RBFOX1: variants seen among roughly 807,000 people sequenced by gnomAD.
RBFOX1 encodes RNA binding protein fox-1 homolog 1.
Under a neutral mutation model 57.7 loss-of-function variants are expected in RBFOX1, and 8 were observed. That is an observed-to-expected ratio of 0.14 (90% CI 0.08 to 0.25). The LOEUF (loss-of-function observed/expected upper bound fraction) is 0.25. RBFOX1 is among the 10% of genes least tolerant of loss of function. The probability of loss-of-function intolerance (pLI) is 1.00; values close to 1 mark genes in which losing one functional copy is unlikely to be tolerated. For synonymous variants in RBFOX1, 326 were observed against 222.4 expected (o/e 1.47, Z -4.15); for missense variants, 611 against 548.5 (o/e 1.11, Z -1.14).
intron 4 of RBFOX1, among the ~76,000 whole-genome samples, chr16:7,438,787 ATAGCG>A (rs1271295345): frequency 2.6e-5 from 4 of 152,302 alleles, no homozygotes; most frequent in Admixed American, 2.6e-4. Flanking sequence ...CAATAATTCA[ATAGCG>A]TAGCCTTGAT....
chr16:7,086,553 A>G (rs963266475), intron 4 of RBFOX1, among the ~76,000 whole-genome samples: 1 of 152,230 alleles, frequency 6.6e-6, no homozygotes, highest in Non-Finnish European at 1.5e-5. Flanking sequence ...AAAAACTAAT[A>G]AAGGAAAAGT....
chr16:7,243,621 C>T (rs1209391986), intron 4 of RBFOX1, among the ~76,000 whole-genome samples: 1 of 152,126 alleles, frequency 6.6e-6, no homozygotes, highest in Non-Finnish European at 1.5e-5. Context: ...GATAATAGCT[C>T]ACTATAGCCT....
chr16:6,564,485 T>A (rs2881042), intron 2 of RBFOX1, among the ~76,000 whole-genome samples: 24 of 151,602 alleles, frequency 1.6e-4, no homozygotes, highest in South Asian at 4.1e-4. Flanking sequence ...CAAACAAAAA[T>A]AAACAAACAA....
intron 6 of RBFOX1, among the ~76,000 whole-genome samples, chr16:7,581,953 G>A (rs909675778): frequency 9.2e-5 from 14 of 151,848 alleles, no homozygotes; most frequent in African/African-American, 3.4e-4. Context: ...CTGGCCTCAA[G>A]CAACCCTCCC....
intron 3 of RBFOX1, among the ~76,000 whole-genome samples, chr16:5,790,149 A>C (rs901214821): frequency 1.3e-5 from 2 of 152,224 alleles, no homozygotes; most frequent in African/African-American, 4.8e-5. Context: ...CGAGGGTCTC[A>C]CATGGAGAAT....
In RBFOX1 at chr16:6,280,977, G is replaced by GTA. The variant is rs895243973; in HGVS notation, c.-126-36010_-126-36009dup. Among the ~76,000 whole-genome samples, 13 of 148,702 alleles carry GTA rather than the reference G, an allele frequency of 8.7e-5. No individual in the cohort carries two copies. In the East Asian group the frequency reaches 1.4e-3, roughly 16 times the overall value. On this transcript the variant is annotated intron_variant, in intron 1 of 15. Transcript: ENST00000550418. Reference sequence around the variant, plus strand: ...TATGTGTGTGTGTGTGTATGTGTGTGTATATATATGTGTGTGTGTATATAT... The same window carrying GTA: ...TATGTGTGTGTGTGTGTATGTGTGTGTATATATATATGTGTGTGTGTATATAT...
rs140498040 is a variant in RBFOX1, at chr16:7,496,736, A to G, written c.28-21411A>G. ...CCACTGCAGTGTTCTCATAGAAAAG[A>G]CTACAGAACAGAAAAAAAAAAAACA... On this transcript the variant is annotated intron_variant, in intron 4 of 15. Coordinates refer to ENST00000550418, the MANE Select transcript of RBFOX1 (RefSeq NM_018723.4). 5.5e-3 allele frequency among the ~76,000 whole-genome samples: 615 copies of G among 111,792 alleles called. 9 individuals carry two copies. Among genetic ancestry groups the G allele is most frequent in the African/African-American group, 0.02 (582 of 29,484 alleles). 73.3% of individuals were successfully genotyped at this position (111,792 alleles called of 152,430 possible).
chr16:5,519,106 C>T (rs531531381), intron 2 of RBFOX1, among the ~76,000 whole-genome samples: 31 of 152,270 alleles, frequency 2.0e-4, no homozygotes, highest in African/African-American at 4.3e-4. Flanking sequence ...GAAAACCTTG[C>T]GGACATCTTG....
chr16:5,882,349 C>T (rs1442879042), intron 4 of RBFOX1, among the ~76,000 whole-genome samples: 2 of 152,182 alleles, frequency 1.3e-5, no homozygotes, highest in Admixed American at 6.6e-5. Flanking sequence ...ACAACAAAGC[C>T]TGCGGATGAG....
chr16:5,862,167 C>A (rs1054531642), intron 3 of RBFOX1, among the ~76,000 whole-genome samples: 1 of 152,200 alleles, frequency 6.6e-6, no homozygotes, highest in Non-Finnish European at 1.5e-5. Context: ...CTGCTAGACT[C>A]CTTCAGGGTT....
At chr16:5,508,673 G>A (rs1399524256) in intron 2 of RBFOX1, among the ~76,000 whole-genome samples, 1 of 152,088 alleles carries the variant, frequency 6.6e-6, no homozygotes, top group Non-Finnish European at 1.5e-5. Flanking sequence ...CCAAGATGGT[G>A]GGGAGGACTG....
chr16:6,022,684 A>AAAAAC (rs1038960334), intron 1 of RBFOX1, among the ~76,000 whole-genome samples: 1 of 152,212 alleles, frequency 6.6e-6, no homozygotes, highest in African/African-American at 2.4e-5. Context: ...ACCCTGCCTC[A>AAAAAC]AAAACAAAAC....
intron 2 of RBFOX1, among the ~76,000 whole-genome samples, chr16:6,579,326 C>T (rs951386804): frequency 7.9e-5 from 12 of 152,070 alleles, no homozygotes; most frequent in Middle Eastern, 3.2e-3. Flanking sequence ...ACCTCGGTCT[C>T]TTGAGTAGCT....
chr16:6,262,181 C>G (rs993185948), intron 1 of RBFOX1, among the ~76,000 whole-genome samples: 2 of 152,184 alleles, frequency 1.3e-5, no homozygotes, highest in Non-Finnish European at 2.9e-5. Flanking sequence ...GCCTTCCCAT[C>G]CAAGACAGTG....
chr16:6,466,859 C>T (rs997682927), intron 2 of RBFOX1, among the ~76,000 whole-genome samples: 17 of 152,132 alleles, frequency 1.1e-4, no homozygotes, highest in South Asian at 2.1e-4. Context: ...CAGAGAGGTG[C>T]AGAAACCCTA....
In RBFOX1 at chr16:7,405,069, C is replaced by T. The variant is rs576521298; in HGVS notation, c.28-113078C>T. On this transcript the variant is annotated intron_variant, in intron 4 of 15. Coordinates refer to ENST00000550418, the MANE Select transcript of RBFOX1 (RefSeq NM_018723.4). ...ATAAGGGTGTGTTTTCAAAGCTGGG[C>T]AGTGCATGCTTGCCAGGTTGCAGGG... Among the ~76,000 whole-genome samples, 8 of 152,318 alleles carry T rather than the reference C, an allele frequency of 5.3e-5. No homozygotes were observed. The South Asian group carries it at 1.7e-3, about 32-fold the overall frequency.
intron 2 of RBFOX1, among the ~76,000 whole-genome samples, chr16:6,640,058 A>G (rs72762964): frequency 6.6e-6 from 1 of 152,134 alleles, no homozygotes; most frequent in Non-Finnish European, 1.5e-5. Context: ...AAGAACAGAT[A>G]AGTTGCTGCG....
At chr16:6,837,495 T>C (rs888636117) in intron 3 of RBFOX1, among the ~76,000 whole-genome samples, 1 of 152,186 alleles carries the variant, frequency 6.6e-6, no homozygotes, top group African/African-American at 2.4e-5. Flanking sequence ...TGGATGAACA[T>C]AACCATGTCC....
chr16:5,266,948 A>G (rs1370095365), intron 1 of RBFOX1, among the ~76,000 whole-genome samples: 1 of 151,964 alleles, frequency 6.6e-6, no homozygotes, highest in Non-Finnish European at 1.5e-5. Context: ...ATTTAGAAAA[A>G]TTGGTCATAA....
Sources: gnomAD v4.1 joint callset for allele counts (sites outside exome capture counted in the v4.1 genomes callset) on GRCh38, gnomAD v4.1.1 for gene constraint, MANE v1.5 for transcripts, NCBI Gene and HGNC (gene_info 2026-07-23, HGNC 2026-07-21) for gene names.